Variants in HYDIN observed in about 807,000 individuals in gnomAD.
The protein encoded by HYDIN is HYDIN axonemal central pair apparatus protein.
HYDIN carries 132 observed loss-of-function variants against 403.9 expected under a neutral mutation model. The ratio of observed to expected loss-of-function variants is 0.33; its 90% CI spans 0.28 to 0.38. HYDIN has a LOEUF of 0.38. Ranked by LOEUF, HYDIN falls within the 10% of genes least tolerant of loss-of-function variation. The probability of loss-of-function intolerance (pLI) is 1.00; values close to 1 mark genes in which losing one functional copy is unlikely to be tolerated. For synonymous variants in HYDIN, 1,202 were observed against 1,891.7 expected, an observed-to-expected ratio of 0.64 and a Z score of 9.46; for missense variants, 2,827 against 5,009.5, an observed-to-expected ratio of 0.56 and a Z score of 13.15.
chr16:71,226,620 T>A (rs1234058917), intron 1 of HYDIN, among the ~76,000 whole-genome samples: 1 of 152,200 alleles, frequency 6.6e-6, no homozygotes, highest in Non-Finnish European at 1.5e-5. Flanking sequence ...TGAAGAAAAT[T>A]GAAACCAGCC....
At chr16:70,901,961 T>C (rs2076393170) in intron 52 of HYDIN, among the ~76,000 whole-genome samples, 1 of 152,220 alleles carries the variant, frequency 6.6e-6, no homozygotes, top group African/African-American at 2.4e-5. Flanking sequence ...CTTTTTCGAA[T>C]TGTTTTATTT....
At chr16:71,051,645 C>CAAA (rs56676777) in intron 18 of HYDIN, among the ~76,000 whole-genome samples, 792 of 119,584 alleles carry the variant, frequency 6.6e-3, no homozygotes, top group African/African-American at 0.023. Context: ...GACTCTGTCT[C>CAAA]AAAAAAAAAA....
rs2088255258 is a variant in HYDIN at position 71,205,598 on chromosome 16, G to A, written c.-23-18680C>T. ...GAGGCCACAGTTGTAGTTCCGAGGAGCACCAACATTGTTCTGCCACTGCTT... is the reference window on the plus strand; with the variant it reads ...GAGGCCACAGTTGTAGTTCCGAGGAACACCAACATTGTTCTGCCACTGCTT... On this transcript the variant is annotated intron_variant, in intron 1 of 85. Transcript: ENST00000393567. Among the ~76,000 whole-genome samples, 3 of 152,228 alleles carry A rather than the reference G, an allele frequency of 2.0e-5. No individual in the cohort carries two copies. In the South Asian group the frequency reaches 6.2e-4, roughly 32 times the overall value.
At chr16:71,204,061 T>C (rs1014038151) in intron 1 of HYDIN, 3 of 205,040 alleles carry the variant, frequency 1.5e-5, no homozygotes, top group Non-Finnish European at 3.0e-5. Flanking sequence ...TCAGACTCTG[T>C]CTCAAAAAAG....
At position 71,133,826 on chromosome 16, in the gene HYDIN, T is replaced by C. The variant is rs369180896; in HGVS notation, c.1043+3325A>G. The stretch of plus-strand genomic sequence containing the variant: ...CAGCCTCCATCTCTGAAGAGATTAA[T>C]TTCTCTGCAAGTCTCAGGAAAACAT... On this transcript the variant is annotated intron_variant, in intron 8 of 85. Coordinates refer to ENST00000393567, the MANE Select transcript of HYDIN (RefSeq NM_001270974.2). Among the ~76,000 whole-genome samples the C allele has an allele frequency of 1.6e-3, 236 of 151,434 alleles. 1 individual carries two copies. The highest frequency in any genetic ancestry group is 5.6e-3 in the African/African-American group (230 of 41,090).
intron 45 of HYDIN, among the ~76,000 whole-genome samples, chr16:70,925,800 G>T (rs1284073055): frequency 6.6e-6 from 1 of 152,154 alleles, no homozygotes. Flanking sequence ...AGTGGGCGAA[G>T]GACATGAATA....
intron 18 of HYDIN, among the ~76,000 whole-genome samples, chr16:71,057,710 T>C (rs2081946494): frequency 6.6e-6 from 1 of 151,366 alleles, no homozygotes; most frequent in Non-Finnish European, 1.5e-5. Flanking sequence ...GACAAAGGGC[T>C]AATATCCAGA....
At chr16:70,989,434 C>T (rs1313815338) in intron 25 of HYDIN, among the ~76,000 whole-genome samples, 1 of 151,974 alleles carries the variant, frequency 6.6e-6, no homozygotes, top group Non-Finnish European at 1.5e-5. Context: ...CATACTCATT[C>T]TAAAAAATTT....
chr16:70,987,379 G>A (rs2079223109), intron 27 of HYDIN, among the ~76,000 whole-genome samples: 1 of 150,478 alleles, frequency 6.6e-6, no homozygotes. Flanking sequence ...TGGACTTACT[G>A]AATCAGAATC....
chr16:70,966,940 T>C (rs962804103), intron 36 of HYDIN, among the ~76,000 whole-genome samples: 1 of 150,274 alleles, frequency 6.7e-6, no homozygotes, highest in Non-Finnish European at 1.5e-5. Context: ...TCTGACAATA[T>C]AGATAAAATA....
chr16:71,203,169 A>C (rs567303784), intron 1 of HYDIN, among the ~76,000 whole-genome samples: 5 of 152,192 alleles, frequency 3.3e-5, no homozygotes, highest in Non-Finnish European at 7.3e-5. Flanking sequence ...GGATGGAAGG[A>C]GGTAAGAAAG....
chr16:71,128,282 C>T (rs2144508642), intron 9 of HYDIN, among the ~76,000 whole-genome samples: 1 of 152,038 alleles, frequency 6.6e-6, no homozygotes, highest in East Asian at 1.9e-4. Context: ...ATTAACAACA[C>T]ACATTAGCAT....
intron 13 of HYDIN, among the ~76,000 whole-genome samples, chr16:71,073,689 A>G (rs1697335464): frequency 6.6e-6 from 1 of 152,114 alleles, no homozygotes; most frequent in Non-Finnish European, 1.5e-5. Flanking sequence ...ATCTCCTGAA[A>G]AATAGTGGGT....
At chr16:71,176,346 T>C (rs1310060714) in intron 4 of HYDIN, among the ~76,000 whole-genome samples, 7 of 151,910 alleles carry the variant, frequency 4.6e-5, no homozygotes. Context: ...AAGGGCTCTT[T>C]AATCAGCTAA....
chr16:70,944,841 C>T (rs1029667966), intron 41 of HYDIN, among the ~76,000 whole-genome samples: 1 of 152,204 alleles, frequency 6.6e-6, no homozygotes, highest in Non-Finnish European at 1.5e-5. Context: ...CAACCTCCGC[C>T]TCTCGGGTTT....
In HYDIN at chr16:71,088,495, A is replaced by G; in HGVS notation, c.1476T>C (p.Asp492=). ...TTGGAGGGGTCATGTTGAAGAGAGC[A>G]TCGATGCTGCCTTTGTTGTACAGTA... ...EAILYNKGSI[D]ALFNMTPPTS... Residue 492 remains aspartate, a synonymous_variant, in exon 12 of 86, where the codon GAT becomes GAC. Transcript: ENST00000393567. The G allele has an allele frequency of 1.4e-6, 1 of 693,206 alleles. No homozygotes were observed. The highest frequency in any genetic ancestry group is 2.5e-6 in the Non-Finnish European group (1 of 401,408). The allele number at this position is 693,206 out of a possible 1,614,324, so 42.9% of individuals were successfully genotyped here.
intron 66 of HYDIN, among the ~76,000 whole-genome samples, chr16:70,867,870 T>C (rs2039852207): frequency 6.6e-6 from 1 of 150,580 alleles, no homozygotes; most frequent in South Asian, 2.1e-4. Context: ...GATTTCACCA[T>C]GTTGCCCAGG....
At chr16:71,000,843 G>A (rs548079675) in intron 23 of HYDIN, among the ~76,000 whole-genome samples, 2 of 152,294 alleles carry the variant, frequency 1.3e-5, no homozygotes, top group African/African-American at 4.8e-5. Flanking sequence ...GGGGACACCA[G>A]AGATGGAGTG....
rs111347950 is a variant in HYDIN, at chr16:70,880,547, T to A, written c.10216-791A>T. Among the ~76,000 whole-genome samples the A allele has an allele frequency of 2.6e-3, 388 of 152,096 alleles. 7 individuals carry two copies. The highest frequency in any genetic ancestry group is 9.2e-3 in the African/African-American group (382 of 41,478). On this transcript the variant is annotated intron_variant, in intron 60 of 85. Coordinates refer to ENST00000393567, the MANE Select transcript of HYDIN (RefSeq NM_001270974.2). The stretch of plus-strand genomic sequence containing the variant: ...AGGTGATGGTGCCAGTCCCAAGGAG[T>A]CCCGGCCACGTGATGTGTTCTGACC...
Sources: gnomAD v4.1 joint callset for allele counts (sites outside exome capture counted in the v4.1 genomes callset) on GRCh38, gnomAD v4.1.1 for gene constraint, MANE v1.5 for transcripts, NCBI Gene and HGNC (gene_info 2026-07-23, HGNC 2026-07-21) for gene names.